The following ZNF652 variants were observed in gnomAD, a reference collection of about 807,000 sequenced individuals.
The protein encoded by ZNF652 is zinc finger protein 652.
A neutral mutation model predicts 45.2 loss-of-function variants in ZNF652; 16 were observed. That is an observed-to-expected ratio of 0.35 (90% CI 0.24 to 0.54). The LOEUF (loss-of-function observed/expected upper bound fraction) is 0.54. Ranked by LOEUF, ZNF652 falls within the 20% of genes least tolerant of loss-of-function variation. The pLI is 0.91. For missense variants in ZNF652, 614 were observed against 765.6 expected (o/e 0.80, Z 2.34); for synonymous variants, 250 against 260.6 (o/e 0.96, Z 0.39).
intron 1 of ZNF652, among the ~76,000 whole-genome samples, chr17:49,357,361 A>C (rs544133081): frequency 6.6e-6 from 1 of 152,210 alleles, no homozygotes; most frequent in Non-Finnish European, 1.5e-5. Flanking sequence ...AAAAAACAAG[A>C]GAAGGAACTA....
rs558656968 is a variant in ZNF652 at position 49,354,112 on chromosome 17, T to TATGA, written c.-259+7793_-259+7796dup. ...TAATCTAACAAGAAGAAATCAGCCA[T>TATGA]ATGAAATTCAATAATTTCTACTATG... On this transcript the variant is annotated intron_variant, in intron 1 of 5. Transcript: ENST00000430262. Among the ~76,000 whole-genome samples, 9 of 152,320 alleles carry TATGA rather than the reference T, an allele frequency of 5.9e-5. No individual in the cohort carries two copies. In the South Asian group the frequency reaches 1.9e-3, roughly 32 times the overall value.
chr17:49,297,319 T>C lies in ZNF652; in HGVS notation c.*1094A>G. On this transcript the variant is annotated 3_prime_UTR_variant, in exon 6 of 6. Transcript: ENST00000430262. ...ACATCAACACAATTCCTAAGGGAAG[T>C]GAGAAACAGACGTGACTGAGATGAA... 1 of 152,630 alleles carries C rather than the reference T, an allele frequency of 6.6e-6. No homozygotes were observed. The highest frequency in any genetic ancestry group is 2.4e-5 in the African/African-American group (1 of 41,454). 9.5% of individuals were successfully genotyped at this position (152,630 alleles called of 1,614,324 possible). A position where few individuals can be genotyped will look rare whatever the true frequency, so the allele number is the denominator to read the frequency against.
chr17:49,331,121 C>CTTTT (rs1291833601), intron 1 of ZNF652, among the ~76,000 whole-genome samples: 1 of 115,728 alleles, frequency 8.6e-6, no homozygotes, highest in Non-Finnish European at 1.7e-5. Context: ...ATGAATGTGT[C>CTTTT]TTTTTTTTTT....
At chr17:49,325,886 C>T (rs1224128558) in intron 1 of ZNF652, among the ~76,000 whole-genome samples, 1 of 152,074 alleles carries the variant, frequency 6.6e-6, no homozygotes, top group Admixed American at 6.6e-5. Flanking sequence ...CAAATTCTAG[C>T]AGAGTTGAAA....
downstream of ZNF652, chr17:49,288,558 G>A (rs1362999450): frequency 1.3e-5 from 2 of 152,154 alleles, no homozygotes; most frequent in Non-Finnish European, 2.9e-5. Flanking sequence ...CACAGTATAA[G>A]GGCCCACACC....
chr17:49,317,508 T>C lies in ZNF652; in HGVS notation c.218A>G (p.His73Arg). The C allele has an allele frequency of 1.2e-6, 2 of 1,614,200 alleles. No individual in the cohort carries two copies. Among genetic ancestry groups the C allele is most frequent in the South Asian group, 1.1e-5 (1 of 91,090 alleles). The stretch of plus-strand genomic sequence containing the variant: ...GAAATATGGCTGTTCTTCTGTTTCA[T>C]GGAGATGCGGTTTGCTCATCTTGGT... ...VDTKMSKPHL[H>R]ETEEQPYFRE... The change falls in exon 2 of 6, where the codon CAT (histidine) becomes CGT (arginine). Residue 73 changes from histidine (H) to arginine (R), a missense_variant. Physicochemically the swap from His to Arg is conservative, Grantham distance 29. Coordinates refer to ENST00000430262, the MANE Select transcript of ZNF652 (RefSeq NM_001145365.3).
Position 49,298,689 on chromosome 17 carries a change from T to G in ZNF652, c.1545A>C (p.Pro515=). ...TGGCTGTGTTCACCACAGAAGGAAC[T>G]GGGGTGGCTGGGGAAGTTGTAAGTG... The part of the protein sequence containing the change: ...QIPLTTSPAT[P]VPSVVNTATT... The change falls in exon 6 of 6, where the codon CCA becomes CCC. Residue 515 remains proline, a synonymous_variant. Coordinates refer to ENST00000430262, the MANE Select transcript of ZNF652 (RefSeq NM_001145365.3). 1 of 1,613,066 alleles carries G rather than the reference T, an allele frequency of 6.2e-7. No individual in the cohort carries two copies. Among genetic ancestry groups the G allele is most frequent in the Non-Finnish European group, 8.5e-7 (1 of 1,179,844 alleles).
At chr17:49,344,602 C>T (rs867654368) in intron 1 of ZNF652, among the ~76,000 whole-genome samples, 2 of 149,384 alleles carry the variant, frequency 1.3e-5, no homozygotes, top group African/African-American at 5.0e-5. Context: ...CTCACTGCAA[C>T]CTCTGCCTCC....
At chr17:49,351,121 G>A (rs1035444593) in intron 1 of ZNF652, among the ~76,000 whole-genome samples, 3 of 146,882 alleles carry the variant, frequency 2.0e-5, no homozygotes, top group African/African-American at 7.6e-5. Flanking sequence ...CAGGATTCTC[G>A]GTAAAGACTA....
At chr17:49,333,722 GAAAAAAA>G (rs749640282) in intron 1 of ZNF652, among the ~76,000 whole-genome samples, 4 of 56,572 alleles carry the variant, frequency 7.1e-5, no homozygotes, top group African/African-American at 2.6e-4. Context: ...TCTGTCTCAA[GAAAAAAA>G]AAAAAAAAAA....
At chr17:49,299,076 A>G in intron 5 of ZNF652, 152 bp from the exon 6 acceptor site, 2 of 790,550 alleles carry the variant, frequency 2.5e-6, no homozygotes, top group South Asian at 1.9e-5. Flanking sequence ...TTGGCCTCCC[A>G]AAGTGCTGCG....
At chr17:49,350,995 A>C (rs1370567838) in intron 1 of ZNF652, among the ~76,000 whole-genome samples, 638 of 20,626 alleles carry the variant, frequency 0.031, 12 homozygotes, top group African/African-American at 0.12. Flanking sequence ...ATATATATAT[A>C]TATATATATA....
At position 49,311,985 on chromosome 17, in the gene ZNF652, C is replaced by T; in HGVS notation, c.1106G>A (p.Ser369Asn). Residue 369 changes from serine to asparagine, a missense_variant, in exon 4 of 6, where the codon AGT becomes AAT. Coordinates refer to ENST00000430262, the MANE Select transcript of ZNF652 (RefSeq NM_001145365.3). ...CETCGKSFKR[S>N]MSLKVHSLQH... ...CAAGGAGTGCACCTTGAGTGACATA[C>T]TGCGTTTGAATGATTTTCCACAGGT... is the stretch of plus-strand genomic sequence containing the variant. The T allele has an allele frequency of 6.2e-7, 1 of 1,614,008 alleles. No homozygotes were observed. The highest frequency in any genetic ancestry group is 1.3e-5 in the African/African-American group (1 of 75,062).
chr17:49,341,489 C>CAAAA lies in ZNF652; in HGVS notation c.-259+20416_-259+20419dup, dbSNP rs754847307. Among the ~76,000 whole-genome samples the CAAAA allele has an allele frequency of 5.7e-3, 464 of 82,122 alleles. 15 individuals are homozygous for CAAAA. The highest frequency in any genetic ancestry group is 0.014 in the African/African-American group (290 of 21,428). 53.9% of individuals were successfully genotyped at this position (82,122 alleles called of 152,430 possible). A position where few individuals can be genotyped will look rare whatever the true frequency, so the allele number is the denominator to read the frequency against. ...GCAACATAGTACGACCTCATCTCTA[C>CAAAA]AAAAAAAAAAAAAAAAAAAAAAAAA... On this transcript the variant is annotated intron_variant, in intron 1 of 5. Coordinates refer to ENST00000430262, the MANE Select transcript of ZNF652 (RefSeq NM_001145365.3).
chr17:49,353,411 C>T (rs927475732), intron 1 of ZNF652, among the ~76,000 whole-genome samples: 5 of 152,122 alleles, frequency 3.3e-5, no homozygotes, highest in Admixed American at 3.3e-4. Flanking sequence ...CTCAAGTGAT[C>T]CTTCCGCCTC....
rs932978772 is a variant in ZNF652 at position 49,329,663 on chromosome 17, T to C, written c.-258-11680A>G. Among the ~76,000 whole-genome samples the C allele has an allele frequency of 2.6e-5, 4 of 152,360 alleles. No homozygotes were observed. The East Asian group carries it at 5.8e-4, about 22-fold the overall frequency. The stretch of plus-strand genomic sequence containing the variant: ...TGTAAGAAGTGGAATTGAGAAATGC[T>C]TGTCACCTTCAGTTTTAGACAAAGC... On this transcript the variant is annotated intron_variant, in intron 1 of 5. Coordinates refer to ENST00000430262, the MANE Select transcript of ZNF652 (RefSeq NM_001145365.3).
intron 1 of ZNF652, among the ~76,000 whole-genome samples, chr17:49,360,787 T>C (rs936127068): frequency 6.6e-6 from 1 of 152,120 alleles, no homozygotes; most frequent in African/African-American, 2.4e-5. Flanking sequence ...AATACTACCC[T>C]ACGAATACAT....
rs1598274808 is a variant in ZNF652 at position 49,292,675 on chromosome 17, TCA to T, written c.*5736_*5737del. On this transcript the variant is annotated 3_prime_UTR_variant, in exon 6 of 6. Transcript: ENST00000430262. ...TGAGAAAAAGGTGTTCAAAAGACAT[TCA>T]ATGACCTTTAATTTTAAAGGAACGT... is the stretch of plus-strand genomic sequence containing the variant. Among the ~76,000 whole-genome samples the T allele has an allele frequency of 6.6e-6, 1 of 152,076 alleles. No homozygotes were observed. Among genetic ancestry groups the T allele is most frequent in the East Asian group, 1.9e-4 (1 of 5,202 alleles).
intron 1 of ZNF652, among the ~76,000 whole-genome samples, chr17:49,340,193 T>A (rs554016349): frequency 1.3e-5 from 2 of 152,170 alleles, no homozygotes; most frequent in African/African-American, 4.8e-5. Flanking sequence ...GGCGGGCGGA[T>A]TACTTGAGGC....
Sources: allele counts gnomAD v4.1 joint callset (sites outside exome capture counted in the v4.1 genomes callset), GRCh38; gene constraint gnomAD v4.1.1; transcripts MANE v1.5; gene names NCBI Gene and HGNC (gene_info 2026-07-23, HGNC 2026-07-21).